NPSR1: variants seen among roughly 807,000 people sequenced by gnomAD.
NPSR1 encodes neuropeptide S receptor 1.
In NPSR1, 48 loss-of-function variants were observed where a neutral mutation model predicts 46.9. The ratio of observed to expected loss-of-function variants is 1.02; its 90% CI spans 0.81 to 1.30. The LOEUF is 1.30. NPSR1 is among the 50% of genes most tolerant of loss of function. The pLI, the probability that NPSR1 is intolerant of heterozygous loss-of-function variation, is 0.00. For synonymous variants in NPSR1, 176 were observed against 168.1 expected (o/e 1.05, Z -0.36); for missense variants, 450 against 449.5 (o/e 1.00, Z -0.01).
At chr7:34,709,879 G>A (rs961508072) in intron 2 of NPSR1, among the ~76,000 whole-genome samples, 9 of 152,098 alleles carry the variant, frequency 5.9e-5, no homozygotes, top group Non-Finnish European at 8.8e-5. Context: ...ATGAGAAGGA[G>A]AAACCATTAT....
intron 7 of NPSR1, among the ~76,000 whole-genome samples, chr7:34,846,937 G>T (rs1790759273): frequency 6.6e-6 from 1 of 152,070 alleles, no homozygotes; most frequent in Non-Finnish European, 1.5e-5. Flanking sequence ...CCAGAGGACT[G>T]GTATCCCTGT....
At chr7:34,877,925 G>T (rs1791614750) in intron 8 of NPSR1, 2 of 520,980 alleles carry the variant, frequency 3.8e-6, no homozygotes, top group South Asian at 5.5e-5. Context: ...GGCTATTTGT[G>T]GTGGTATTAA....
At chr7:34,747,204 G>A (rs1785248358) in intron 2 of NPSR1, among the ~76,000 whole-genome samples, 1 of 151,940 alleles carries the variant, frequency 6.6e-6, no homozygotes, top group South Asian at 2.1e-4. Context: ...GAGGATTTGG[G>A]GCATGAAATA....
chr7:34,751,999 T>A, intron 2 of NPSR1: 1 of 835,504 alleles, frequency 1.2e-6, no homozygotes, highest in Non-Finnish European at 2.1e-6. Flanking sequence ...ATGTTGGCGA[T>A]GGCATGGCAC....
At chr7:34,729,325 C>T (rs1383431618) in intron 2 of NPSR1, among the ~76,000 whole-genome samples, 1 of 151,932 alleles carries the variant, frequency 6.6e-6, no homozygotes, top group Non-Finnish European at 1.5e-5. Context: ...ATATTCAATC[C>T]CAGAGAGGGG....
intron 2 of NPSR1, chr7:34,758,054 T>C (rs1429807482): frequency 6.6e-6 from 1 of 152,638 alleles, no homozygotes; most frequent in East Asian, 1.9e-4. Flanking sequence ...TCCATACTAA[T>C]ACTTGGGTGA....
At chr7:34,806,041 G>A (rs940688716) in intron 3 of NPSR1, among the ~76,000 whole-genome samples, 2 of 152,010 alleles carry the variant, frequency 1.3e-5, no homozygotes, top group Admixed American at 6.6e-5. Context: ...AATGGCTGAT[G>A]AGGATGAATA....
chr7:34,742,220 T>C (rs947799702), intron 2 of NPSR1, among the ~76,000 whole-genome samples: 3 of 151,930 alleles, frequency 2.0e-5, no homozygotes, highest in African/African-American at 7.3e-5. Flanking sequence ...GTTACATAGG[T>C]AAACTCATGT....
intron 2 of NPSR1, among the ~76,000 whole-genome samples, chr7:34,740,886 C>T (rs1234712074): frequency 6.6e-6 from 1 of 152,176 alleles, no homozygotes; most frequent in African/African-American, 2.4e-5. Context: ...CTGCTCTGTC[C>T]ATCTAAGTGA....
intron 6 of NPSR1, among the ~76,000 whole-genome samples, chr7:34,839,468 A>C (rs914354645): frequency 6.6e-6 from 1 of 152,196 alleles, no homozygotes; most frequent in Admixed American, 6.5e-5. Context: ...TTGGCACAAT[A>C]GACAAATGGA....
chr7:34,873,294 C>T (rs1431224440), intron 8 of NPSR1, among the ~76,000 whole-genome samples: 1 of 151,762 alleles, frequency 6.6e-6, no homozygotes. Flanking sequence ...CAATCTCTGC[C>T]CATTACCCAG....
At chr7:34,661,287 G>C (rs1392548417) in intron 1 of NPSR1, among the ~76,000 whole-genome samples, 1 of 152,080 alleles carries the variant, frequency 6.6e-6, no homozygotes, top group African/African-American at 2.4e-5. Context: ...CTAAGCCAAT[G>C]AGACCAAAGT....
intron 4 of NPSR1, among the ~76,000 whole-genome samples, chr7:34,814,674 C>T (rs1191230091): frequency 6.6e-6 from 1 of 152,146 alleles, no homozygotes; most frequent in East Asian, 1.9e-4. Context: ...GGTGGGTGCC[C>T]CTCTGGGACA....
chr7:34,673,152 G>C (rs891543172), intron 1 of NPSR1, among the ~76,000 whole-genome samples: 1 of 151,958 alleles, frequency 6.6e-6, no homozygotes, highest in African/African-American at 2.4e-5. Flanking sequence ...CTCCTCCCCA[G>C]GTTCTATTAC....
chr7:34,839,638 T>C (rs973810530), intron 6 of NPSR1, among the ~76,000 whole-genome samples: 3 of 152,080 alleles, frequency 2.0e-5, no homozygotes, highest in African/African-American at 7.2e-5. Flanking sequence ...CTTAACCACA[T>C]AGAAGTTTAT....
Position 34,658,270 on chromosome 7 carries a change from G to A in NPSR1, c.-143G>A. On this transcript the variant is annotated 5_prime_UTR_variant, in exon 1 of 9. Coordinates refer to ENST00000360581, the MANE Select transcript of NPSR1 (RefSeq NM_207172.2). The stretch of plus-strand genomic sequence containing the variant: ...TAGATCCTCCCTGTCATCAGGCAGA[G>A]CTCTTCAGTGAGGTGGGCTCAGGGA... The A allele has an allele frequency of 2.5e-6, 2 of 799,976 alleles. No individual in the cohort carries two copies. The highest frequency in any genetic ancestry group is 4.0e-6 in the Non-Finnish European group (2 of 505,292). 49.6% of individuals were successfully genotyped at this position (799,976 alleles called of 1,614,324 possible). A position where few individuals can be genotyped will look rare whatever the true frequency, so the allele number is the denominator to read the frequency against.
chr7:34,661,390 T>C (rs1791443980), intron 1 of NPSR1, among the ~76,000 whole-genome samples: 1 of 152,176 alleles, frequency 6.6e-6, no homozygotes. Flanking sequence ...AATCCATCTC[T>C]ATTGCATGGC....
intron 3 of NPSR1, among the ~76,000 whole-genome samples, chr7:34,808,740 A>G (rs147540080): frequency 2.6e-5 from 4 of 152,248 alleles, no homozygotes; most frequent in Admixed American, 2.0e-4. Context: ...CACAGAAATC[A>G]TATTTACAAA....
intron 2 of NPSR1, among the ~76,000 whole-genome samples, chr7:34,744,744 G>T (rs1321690765): frequency 2.0e-5 from 3 of 152,122 alleles, no homozygotes; most frequent in Non-Finnish European, 4.4e-5. Context: ...CCATCCTAAA[G>T]CTATGACATT....
Sources: allele counts gnomAD v4.1 joint callset (sites outside exome capture counted in the v4.1 genomes callset), GRCh38; gene constraint gnomAD v4.1.1; transcripts MANE v1.5; gene names NCBI Gene and HGNC (gene_info 2026-07-23, HGNC 2026-07-21).